ATG2A: variants seen among roughly 807,000 people sequenced by gnomAD.
ATG2A encodes autophagy related 2A, also known as autophagy-related protein 2 homolog A.
A neutral mutation model predicts 214.2 loss-of-function variants in ATG2A; 103 were observed. The observed-to-expected ratio is 0.48, with a 90% confidence interval of 0.41 to 0.57. The LOEUF is 0.57. Ranked by LOEUF, ATG2A falls within the 20% of genes least tolerant of loss-of-function variation. ATG2A has a pLI of 0.00. For missense variants in ATG2A, 2,312 were observed against 2,613.2 expected (o/e 0.88, Z 2.51); for synonymous variants, 1,160 against 1,142.1 (o/e 1.02, Z -0.32).
rs535562335 is a variant in ATG2A at position 64,913,533 on chromosome 11, G to A, written c.591-132C>T. On this transcript the variant is annotated intron_variant, in intron 4 of 40. Coordinates refer to ENST00000377264, the MANE Select transcript of ATG2A (RefSeq NM_015104.3). The surrounding 1 kb of genome is among the most constrained non-coding windows in gnomAD (Gnocchi z 4.3). Reference sequence around the variant, plus strand: ...AGAGCTGCCCCATCACACCTAGGCCGTCCTGAACCACCATGTCCAGCCCGG... The same window carrying A: ...AGAGCTGCCCCATCACACCTAGGCCATCCTGAACCACCATGTCCAGCCCGG... 71 of 1,210,486 alleles carry A rather than the reference G, an allele frequency of 5.9e-5. No individual in the cohort carries two copies. The East Asian group carries it at 5.9e-4, about 10-fold the overall frequency. 75.0% of individuals were successfully genotyped at this position (1,210,486 alleles called of 1,614,324 possible).
At chr11:64,916,586 G>A (rs1295489807) in intron 1 of ATG2A, among the ~76,000 whole-genome samples, 2 of 152,094 alleles carry the variant, frequency 1.3e-5, no homozygotes, top group Non-Finnish European at 2.9e-5. Flanking sequence ...CAGCTGCGCA[G>A]GCCCAAGTCT....
chr11:64,899,141 G>C (rs531614680), intron 31 of ATG2A, among the ~76,000 whole-genome samples: 1 of 152,164 alleles, frequency 6.6e-6, no homozygotes, highest in African/African-American at 2.4e-5. Flanking sequence ...CTGGCCTCAA[G>C]TGATCTGCCT....
Position 64,910,752 on chromosome 11 carries a change from A to G in ATG2A, c.1615-44T>C, listed in dbSNP as rs753760749. ...GGCACACAGGGTCAGGCCTGGCCCC[A>G]CAGCCACCCAAACCTCCAGACCCCG... is the stretch of plus-strand genomic sequence containing the variant. On this transcript the variant is annotated intron_variant, in intron 11 of 40. Transcript: ENST00000377264. 2.0e-5 allele frequency: 32 copies of G among 1,610,162 alleles called. No homozygotes were observed. The South Asian group carries it at 3.4e-4, about 17-fold the overall frequency.
chr11:64,911,076 T>C lies in ATG2A; in HGVS notation c.1428A>G (p.Arg476=). ...PFGSRDFHHL[R]PRFQRACPCS... ...AGGGACAGGCCCTCTGGAAGCGTGG[T>C]CGAAGGTGATGGAAGTCTCGGGAAC... Residue 476 remains arginine (R), a synonymous_variant, in exon 10 of 41, where the codon CGA becomes CGG. Transcript: ENST00000377264. 5.6e-6 allele frequency: 9 copies of C among 1,613,864 alleles called. No individual in the cohort carries two copies. The highest frequency in any genetic ancestry group is 7.6e-6 in the Non-Finnish European group (9 of 1,179,990).
chr11:64,904,543 C>CA lies in ATG2A; in HGVS notation c.3465-884dup, dbSNP rs56721707. ...CTGCTGACAGAGCGAGACTCTGTCT[C>CA]AAAAAAAAAAAATAAATAAAAAAGT... On this transcript the variant is annotated intron_variant, in intron 24 of 40. Coordinates refer to ENST00000377264, the MANE Select transcript of ATG2A (RefSeq NM_015104.3). Among the ~76,000 whole-genome samples the CA allele has an allele frequency of 9.0e-4, 110 of 122,752 alleles. 1 individual carries two copies. The highest frequency in any genetic ancestry group is 2.5e-3 in the South Asian group (10 of 3,928). 80.5% of individuals were successfully genotyped at this position (122,752 alleles called of 152,430 possible). A position where few individuals can be genotyped will look rare whatever the true frequency, so the allele number is the denominator to read the frequency against.
chr11:64,909,954 G>T (rs756278257), intron 13 of ATG2A, 30 bp from the exon 14 acceptor site: 11 of 1,583,292 alleles, frequency 6.9e-6, no homozygotes, highest in East Asian at 6.8e-5. Context: ...CAGAGCAGCC[G>T]TCGGAGCCCC....
intron 37 of ATG2A, 88 bp from the exon 38 acceptor site, chr11:64,896,957 TG>T: frequency 6.5e-7 from 1 of 1,535,276 alleles, no homozygotes; most frequent in Non-Finnish European, 8.8e-7. Context: ...AGTACCCCTG[TG>T]GCAAGTACTG....
intron 30 of ATG2A, 77 bp downstream of exon 30, chr11:64,900,807 C>T: frequency 6.7e-7 from 1 of 1,483,428 alleles, no homozygotes; most frequent in Non-Finnish European, 9.0e-7. Flanking sequence ...TCAAGGTCTC[C>T]AGCTGCTGAA....
chr11:64,897,778 T>C (rs370739508), intron 35 of ATG2A, 35 bp from the exon 36 acceptor site: 81 of 1,614,158 alleles, frequency 5.0e-5, no homozygotes, highest in Non-Finnish European at 6.7e-5. Context: ...GGTTCTTTGC[T>C]CACTGGCCTG....
Position 64,914,349 on chromosome 11 carries a change from C to A in ATG2A, c.323G>T (p.Arg108Leu). ...VSGLQLTLQP[R>L]RGPAPGAADS... ...CGCCCTGCCCTCACCTGGACCCCGG[C>A]GGGGCTGCAAGGTGAGCTGGAGGCC... Residue 108 changes from arginine to leucine, a missense_variant, in exon 2 of 41, where the codon CGC becomes CTC. Transcript: ENST00000377264. 1 of 1,604,002 alleles carries A rather than the reference C, an allele frequency of 6.2e-7. No individual in the cohort carries two copies. Among genetic ancestry groups the A allele is most frequent in the Non-Finnish European group, 8.5e-7 (1 of 1,176,088 alleles).
rs750271831 is a variant in ATG2A, at chr11:64,898,416, C to CA, written c.4672-55dup. 3.5e-4 allele frequency: 520 copies of CA among 1,479,762 alleles called. No individual in the cohort carries two copies. Among genetic ancestry groups the CA allele is most frequent in the Non-Finnish European group, 4.6e-4 (506 of 1,098,528 alleles). 91.7% of individuals were successfully genotyped at this position (1,479,762 alleles called of 1,614,324 possible). On this transcript the variant is annotated intron_variant, in intron 32 of 40. Coordinates refer to ENST00000377264, the MANE Select transcript of ATG2A (RefSeq NM_015104.3). This position sits in a 1 kb window ranked among gnomAD's most constrained non-coding sequence, Gnocchi z 4.5. ...CTGCTGGGCCTCTGGGGCAGCAGCT[C>CA]ACCCAGCTGTTCCCTGACAGCTCAC...
Position 64,909,257 on chromosome 11 carries a change from GAGCCCCTACTTACTGGGGC to G in ATG2A, c.2199_2204+13del, listed in dbSNP as rs1395358127. The G allele has an allele frequency of 6.2e-7, 1 of 1,613,396 alleles. No homozygotes were observed. The highest frequency in any genetic ancestry group is 8.5e-7 in the Non-Finnish European group (1 of 1,179,878). On this transcript the variant is annotated splice_donor_variant and splice_donor_5th_base_variant and coding_sequence_variant and intron_variant, in exon 15 of 41. Transcript: ENST00000377264. LOFTEE classifies it high-confidence loss of function. Reference sequence around the variant, plus strand: ...ACCCTCCTCTCCTGGGCCCAGTCCAGAGCCCCTACTTACTGGGGCAGGAAGTACTTGCGCCCAGTGCTCT... The same window carrying G: ...ACCCTCCTCTCCTGGGCCCAGTCCAGAGGAAGTACTTGCGCCCAGTGCTCT...
Position 64,907,613 on chromosome 11 carries a change from G to T in ATG2A, c.2559C>A (p.Pro853=). ...MWEPADLLPT[P]DPAAQPSGFP... is the part of the protein sequence containing the mutation. ...AGCCCGAGGGCTGGGCGGCGGGGTCGGGGGTGGGAAGCAGATCTGCAGGCT... is the reference window on the plus strand; with the variant it reads ...AGCCCGAGGGCTGGGCGGCGGGGTCTGGGGTGGGAAGCAGATCTGCAGGCT... The change falls in exon 18 of 41, where the codon CCC becomes CCA. Residue 853 remains proline (P), a synonymous_variant. Transcript: ENST00000377264. 6.3e-7 allele frequency: 1 copy of T among 1,584,932 alleles called. No individual in the cohort carries two copies. The highest frequency in any genetic ancestry group is 1.7e-5 in the Admixed American group (1 of 57,602).
chr11:64,902,021 C>A lies in ATG2A; in HGVS notation c.4060G>T (p.Gly1354Ter). Reference sequence around the variant, plus strand: ...AACTCATCACTGTCCAGGGTGTCTCCATCGCCCTCCTCTTCCCTTTCATCT... The same window carrying A: ...AACTCATCACTGTCCAGGGTGTCTCAATCGCCCTCCTCTTCCCTTTCATCT... ...KEDEREEEGD[G>*]DTLDSDEFCI... is the part of the protein sequence containing the mutation. The change falls in exon 29 of 41, where the codon GGA becomes TGA. Residue 1354 changes from glycine to a stop codon, truncating the protein, a stop_gained. Coordinates refer to ENST00000377264, the MANE Select transcript of ATG2A (RefSeq NM_015104.3). LOFTEE classifies it high-confidence loss of function. The A allele has an allele frequency of 6.2e-7, 1 of 1,614,038 alleles. No individual in the cohort carries two copies. The highest frequency in any genetic ancestry group is 8.5e-7 in the Non-Finnish European group (1 of 1,180,040).
In ATG2A at chr11:64,910,901, C is replaced by A; in HGVS notation, c.1520G>T (p.Gly507Val). The change falls in exon 11 of 41, where the codon GGC becomes GTC. Residue 507 changes from glycine (G) to valine (V), a missense_variant. Transcript: ENST00000377264. ...LSWELRTGSR[G>V]RRTTSMEVHF... is the part of the protein sequence containing the mutation. ...CACTTCCATGCTGGTTGTCCGCCGG[C>A]CCCGACTGCCCGTCCGCAGCTCCCA... 1 of 1,611,986 alleles carries A rather than the reference C, an allele frequency of 6.2e-7. No individual in the cohort carries two copies. The highest frequency in any genetic ancestry group is 2.2e-5 in the East Asian group (1 of 44,820).
intron 29 of ATG2A, 102 bp from the exon 30 acceptor site, chr11:64,901,194 T>A: frequency 3.2e-5 from 39 of 1,225,346 alleles, no homozygotes; most frequent in Middle Eastern, 2.1e-4. Flanking sequence ...TTTTTTTTTT[T>A]TATAGACAGG....
At position 64,917,156 on chromosome 11, in the gene ATG2A, G is replaced by C; in HGVS notation, c.-21C>G. 1 of 1,578,008 alleles carries C rather than the reference G, an allele frequency of 6.3e-7. No individual in the cohort carries two copies. The highest frequency in any genetic ancestry group is 8.6e-7 in the Non-Finnish European group (1 of 1,161,452). On this transcript the variant is annotated 5_prime_UTR_variant, in exon 1 of 41. Coordinates refer to ENST00000377264, the MANE Select transcript of ATG2A (RefSeq NM_015104.3). Reference sequence around the variant, plus strand: ...GACATCTCGGAGACCGCCGGGCCTGGGCCGCCTCCGCTTGCCGCCCGCCGG... The same window carrying C: ...GACATCTCGGAGACCGCCGGGCCTGCGCCGCCTCCGCTTGCCGCCCGCCGG...
intron 1 of ATG2A, among the ~76,000 whole-genome samples, chr11:64,915,132 ACCCCC>A (rs34205615): frequency 2.7e-5 from 1 of 36,536 alleles, no homozygotes; most frequent in African/African-American, 9.0e-5. Flanking sequence ...GCCAGATGGG[ACCCCC>A]CCCCCCCACC....
intron 22 of ATG2A, 65 bp from the exon 23 acceptor site, chr11:64,905,913 C>T (rs1032218150): frequency 6.6e-7 from 1 of 1,519,892 alleles, no homozygotes; most frequent in African/African-American, 1.4e-5. Flanking sequence ...TCTAACCCCT[C>T]CCTGTCCTGG....
Sources: gnomAD v4.1 joint callset for allele counts (sites outside exome capture counted in the v4.1 genomes callset) on GRCh38, gnomAD v4.1.1 for gene constraint, Gnocchi (gnomAD v3.1) non-coding constraint, MANE v1.5 for transcripts, NCBI Gene and HGNC (gene_info 2026-07-23, HGNC 2026-07-21) for gene names.